Variants in TPM4 observed in about 807,000 individuals in gnomAD.
TPM4 encodes the protein tropomyosin 4, also known as tropomyosin alpha-4 chain.
Under a neutral mutation model 35.8 loss-of-function variants are expected in TPM4, and 17 were observed. That is an observed-to-expected ratio of 0.47 (90% CI 0.32 to 0.71). The LOEUF (loss-of-function observed/expected upper bound fraction) is 0.71. TPM4 is among the 30% of genes least tolerant of loss of function. The probability of loss-of-function intolerance (pLI) is 0.03; values close to 1 mark genes in which losing one functional copy is unlikely to be tolerated. For missense variants in TPM4, 240 were observed against 320.9 expected (o/e 0.75, Z 1.93); for synonymous variants, 120 against 122.9 (o/e 0.98, Z 0.15).
chr19:16,072,451 A>C (rs1161713383), upstream of TPM4, among the ~76,000 whole-genome samples: 1 of 152,196 alleles, frequency 6.6e-6, no homozygotes, highest in African/African-American at 2.4e-5. Context: ...GAAAAGTAGA[A>C]AGTCATTCTT....
chr19:16,081,887 C>T, intron 1 of TPM4, 26 bp from the exon 2 acceptor site: 1 of 1,565,076 alleles, frequency 6.4e-7, no homozygotes. Flanking sequence ...TACTTCTTAA[C>T]ATGGCTGCAC....
At chr19:16,082,145 A>C in intron 2 of TPM4, 99 bp downstream of exon 2, 2 of 1,458,336 alleles carry the variant, frequency 1.4e-6, no homozygotes, top group Non-Finnish European at 1.8e-6. Context: ...AAACAAGGTC[A>C]CAAGGACATG....
At position 16,076,654 on chromosome 19, in the gene TPM4, G is replaced by A. The variant is rs1389171290; in HGVS notation, c.89G>A (p.Gly30Asp). 1.4e-6 allele frequency: 2 copies of A among 1,431,780 alleles called. No homozygotes were observed. Among genetic ancestry groups the A allele is most frequent in the East Asian group, 3.1e-5 (1 of 32,642 alleles). 88.7% of individuals were successfully genotyped at this position (1,431,780 alleles called of 1,614,324 possible). The part of the protein sequence containing the change: ...QADEAEDRAQ[G>D]LQRELDGERE... ...GACGAGGCGGAAGACCGCGCGCAGG[G>A]CCTGCAGCGGGAGCTGGACGGCGAG... The change falls in exon 1 of 8, where the codon GGC (glycine) becomes GAC (aspartate). Residue 30 changes from glycine (G) to aspartate (D), a missense_variant. By Grantham distance (94) the Gly-to-Asp change is moderately conservative. Coordinates refer to ENST00000643579, the MANE Select transcript of TPM4 (RefSeq NM_003290.3).
At chr19:16,090,504 T>C (rs909261427) in intron 5 of TPM4, among the ~76,000 whole-genome samples, 1 of 151,916 alleles carries the variant, frequency 6.6e-6, no homozygotes, top group Non-Finnish European at 1.5e-5. Context: ...TCCTCCCACC[T>C]TGGCCTCCCA....
intron 2 of TPM4, among the ~76,000 whole-genome samples, chr19:16,083,612 G>C (rs1599370850): frequency 6.9e-6 from 1 of 145,468 alleles, no homozygotes; most frequent in African/African-American, 2.8e-5. Context: ...GCAGCAGTCT[G>C]TGTGTGGTGG....
chr19:16,085,260 A>AAAAT (rs1295968763), intron 2 of TPM4, among the ~76,000 whole-genome samples: 1 of 151,960 alleles, frequency 6.6e-6, no homozygotes, highest in African/African-American at 2.4e-5. Flanking sequence ...CTCAAGAAAA[A>AAAAT]AAATAAATAA....
intron 5 of TPM4, among the ~76,000 whole-genome samples, chr19:16,092,532 C>G (rs1017502562): frequency 2.1e-5 from 3 of 145,276 alleles, no homozygotes; most frequent in Non-Finnish European, 4.6e-5. Flanking sequence ...ACTCTGCCTA[C>G]TTTTTTTTTT....
At chr19:16,088,290 C>A in intron 4 of TPM4, 193 bp downstream of exon 4, 1 of 1,406,952 alleles carries the variant, frequency 7.1e-7, no homozygotes, top group Non-Finnish European at 9.4e-7. Flanking sequence ...CCATGGGAAG[C>A]ACTGCCCACG....
chr19:16,088,669 C>G, intron 4 of TPM4: 2 of 1,049,342 alleles, frequency 1.9e-6, no homozygotes, highest in Non-Finnish European at 2.3e-6. Context: ...CCCGGAGTGT[C>G]CCCTGCAAAC....
rs1029878707 is a variant in TPM4 at position 16,092,133 on chromosome 19, G to A, written c.532-1403G>A. Among the ~76,000 whole-genome samples the A allele has an allele frequency of 4.3e-4, 65 of 151,158 alleles. 1 individual carries two copies. Among genetic ancestry groups the A allele is most frequent in the Middle Eastern group, 3.4e-3 (1 of 294 alleles). ...TTGCAAGTCACAGTGAGCCGAGATC[G>A]TACCACTGCACTCCAGCCTGGGTGA... On this transcript the variant is annotated intron_variant, in intron 5 of 7. Coordinates refer to ENST00000643579, the MANE Select transcript of TPM4 (RefSeq NM_003290.3).
chr19:16,078,404 AGATG>A (rs1209239929), intron 1 of TPM4, among the ~76,000 whole-genome samples: 2 of 152,322 alleles, frequency 1.3e-5, no homozygotes, highest in African/African-American at 4.8e-5. Context: ...ATGCCCAGCC[AGATG>A]GAATTGGTGG....
At chr19:16,089,486 G>A (rs571721479) in intron 5 of TPM4, among the ~76,000 whole-genome samples, 1 of 152,280 alleles carries the variant, frequency 6.6e-6, no homozygotes, top group South Asian at 2.1e-4. Context: ...GATCAGAGGT[G>A]GAATTGGGCT....
intron 5 of TPM4, among the ~76,000 whole-genome samples, chr19:16,092,411 AT>A (rs2090639164): frequency 6.6e-6 from 1 of 151,936 alleles, no homozygotes; most frequent in Non-Finnish European, 1.5e-5. Context: ...CATACTTTTT[AT>A]CTCAAGTTCT....
At chr19:16,080,379 G>A in intron 1 of TPM4, 1 of 205,204 alleles carries the variant, frequency 4.9e-6, no homozygotes, top group Middle Eastern at 1.6e-3. Context: ...CCTTTCTCTG[G>A]CACATCCCAC....
intron 1 of TPM4, chr19:16,077,928 A>AT (rs535439378): frequency 0.038 from 10,850 of 288,658 alleles, no homozygotes; most frequent in East Asian, 0.054. Context: ...CGCCCAGCTA[A>AT]TTTTTTTTTT....
chr19:16,098,928 G>C (rs2090732878), intron 7 of TPM4, among the ~76,000 whole-genome samples: 1 of 152,144 alleles, frequency 6.6e-6, no homozygotes. Context: ...TGATATCTCT[G>C]TTATGAGGAT....
intron 7 of TPM4, among the ~76,000 whole-genome samples, chr19:16,099,257 T>G (rs566734781): frequency 6.6e-6 from 1 of 152,202 alleles, no homozygotes; most frequent in East Asian, 1.9e-4. Flanking sequence ...TTTTTTGTAT[T>G]TTTAAGTAGA....
At chr19:16,098,044 C>T (rs757152366) in intron 7 of TPM4, among the ~76,000 whole-genome samples, 40 of 152,126 alleles carry the variant, frequency 2.6e-4, no homozygotes, top group Admixed American at 9.8e-4. Context: ...GTGTGTTTGT[C>T]CCTGGAATTT....
intron 3 of TPM4, among the ~76,000 whole-genome samples, chr19:16,087,512 G>C (rs2090570591): frequency 6.6e-6 from 1 of 152,196 alleles, no homozygotes; most frequent in African/African-American, 2.4e-5. Flanking sequence ...AGGAGGCAGA[G>C]GTTGCAGTGA....
Sources: allele counts gnomAD v4.1 joint callset (sites outside exome capture counted in the v4.1 genomes callset), GRCh38; gene constraint gnomAD v4.1.1; transcripts MANE v1.5; gene names NCBI Gene and HGNC (gene_info 2026-07-23, HGNC 2026-07-21).